NSL1: variants seen among roughly 807,000 people sequenced by gnomAD.
NSL1 encodes kinetochore-associated protein NSL1 homolog.
Under a neutral mutation model 25.4 loss-of-function variants are expected in NSL1, and 11 were observed. The ratio of observed to expected loss-of-function variants is 0.43; its 90% confidence interval spans 0.27 to 0.72. The LOEUF (loss-of-function observed/expected upper bound fraction) is 0.72, where lower values mean the gene tolerates loss of function less well. Ranked by LOEUF, NSL1 falls within the 30% of genes least tolerant of loss-of-function variation. NSL1 has a pLI of 0.19. For missense variants in NSL1, 330 were observed against 342.7 expected, an observed-to-expected ratio of 0.96 and a Z score of 0.29; for synonymous variants, 118 against 120.6, an observed-to-expected ratio of 0.98 and a Z score of 0.14.
chr1:212,726,889 G>C lies in NSL1; in HGVS notation c.*11519C>G, dbSNP rs1657811513. On this transcript the variant is annotated 3_prime_UTR_variant, in exon 6 of 6. Transcript: ENST00000366977. ...CGAGCCCGGTCCCAGGGGCTGGATGGTGTCCCTCCCTCTGATGGACACCAG... is the reference window on the plus strand; with the variant it reads ...CGAGCCCGGTCCCAGGGGCTGGATGCTGTCCCTCCCTCTGATGGACACCAG... 2.6e-6 allele frequency: 1 copy of C among 390,492 alleles called. No individual in the cohort carries two copies. Among genetic ancestry groups the C allele is most frequent in the Non-Finnish European group, 4.5e-6 (1 of 219,968 alleles). 24.2% of individuals were successfully genotyped at this position (390,492 alleles called of 1,614,324 possible). A position where few individuals can be genotyped will look rare whatever the true frequency, so the allele number is the denominator to read the frequency against.
In NSL1 at chr1:212,791,742, C is replaced by A; in HGVS notation, c.22G>T (p.Val8Leu). 1.2e-6 allele frequency: 2 copies of A among 1,610,474 alleles called. No homozygotes were observed. Among genetic ancestry groups the A allele is most frequent in the Non-Finnish European group, 1.7e-6 (2 of 1,178,008 alleles). ...TTGTCCCATGGAGGGTCAAGGACCA[C>A]CAACTCAGGAGACCCCGCCATTTTT... Reference protein sequence around the residue: MAGSPELVVLDPPWDKEL... With the variant: MAGSPELLVLDPPWDKEL... The change falls in exon 1 of 6, where the codon GTG (valine) becomes TTG (leucine). Residue 8 changes from valine to leucine, a missense_variant. Coordinates refer to ENST00000366977, the MANE Select transcript of NSL1 (RefSeq NM_015471.4).
Position 212,736,322 on chromosome 1 carries a change from G to A in NSL1, c.*2086C>T. The stretch of plus-strand genomic sequence containing the variant: ...TACAGGCATGAGCCCACCGCGCCTG[G>A]CTATTTCTTTTCTGAAAGATAATTT... On this transcript the variant is annotated 3_prime_UTR_variant, in exon 6 of 6. Coordinates refer to ENST00000366977, the MANE Select transcript of NSL1 (RefSeq NM_015471.4). 1.0e-6 allele frequency: 1 copy of A among 984,030 alleles called. No homozygotes were observed. The highest frequency in any genetic ancestry group is 1.2e-6 in the Non-Finnish European group (1 of 828,712). 61.0% of individuals were successfully genotyped at this position (984,030 alleles called of 1,614,324 possible).
chr1:212,731,032 C>A lies in NSL1; in HGVS notation c.*7376G>T, dbSNP rs936201376. On this transcript the variant is annotated 3_prime_UTR_variant, in exon 6 of 6. Transcript: ENST00000366977. The stretch of plus-strand genomic sequence containing the variant: ...GCAACGAATTACAAGGGATTCTTTA[C>A]CCCTGAAGCTTCAAATGAATATAAC... The A allele has an allele frequency of 7.1e-6, 7 of 985,370 alleles. No individual in the cohort carries two copies. The highest frequency in any genetic ancestry group is 8.4e-6 in the Non-Finnish European group (7 of 829,902). The allele number at this position is 985,370 out of a possible 1,614,324, so 61.0% of individuals were successfully genotyped here. A position where few individuals can be genotyped will look rare whatever the true frequency, so the allele number is the denominator to read the frequency against.
At chr1:212,750,897 C>T (rs1258071996) in intron 4 of NSL1, among the ~76,000 whole-genome samples, 1 of 151,928 alleles carries the variant, frequency 6.6e-6, no homozygotes, top group Non-Finnish European at 1.5e-5. Flanking sequence ...GCCGAGATAG[C>T]GCCACTGCAC....
rs557266882 is a variant in NSL1 at position 212,759,907 on chromosome 1, C to T, written c.500-20306G>A. Among the ~76,000 whole-genome samples, 5 of 152,332 alleles carry T rather than the reference C, an allele frequency of 3.3e-5. No individual in the cohort carries two copies. In the South Asian group the frequency reaches 1.0e-3, roughly 32 times the overall value. ...ACTCCTCAGAGCCTGAGAGCCATTT[C>T]CCTGGGGCCACCCAGCAGCAAGGCT... is the stretch of plus-strand genomic sequence containing the variant. On this transcript the variant is annotated intron_variant, in intron 4 of 5. Coordinates refer to ENST00000366977, the MANE Select transcript of NSL1 (RefSeq NM_015471.4).
Position 212,752,500 on chromosome 1 carries a change from T to G in NSL1, c.500-12899A>C, listed in dbSNP as rs558424514. The stretch of plus-strand genomic sequence containing the variant: ...AGAAACTTAAAATAGCTCCTTGCCA[T>G]CGCTACATGTTTAGCGAAGGACAGG... On this transcript the variant is annotated intron_variant, in intron 4 of 5. Coordinates refer to ENST00000366977, the MANE Select transcript of NSL1 (RefSeq NM_015471.4). Among the ~76,000 whole-genome samples, 13 of 152,236 alleles carry G rather than the reference T, an allele frequency of 8.5e-5. No homozygotes were observed. The South Asian group carries it at 2.7e-3, about 32-fold the overall frequency.
At chr1:212,780,914 A>G (rs1358256448) in intron 4 of NSL1, among the ~76,000 whole-genome samples, 1 of 152,152 alleles carries the variant, frequency 6.6e-6, no homozygotes, top group East Asian at 1.9e-4. Context: ...TATTTAGTGC[A>G]GAGCTGGAAT....
chr1:212,735,903 T>C lies in NSL1; in HGVS notation c.*2505A>G, dbSNP rs1328416988. ...CAGAACTGTGAGAAGTAAGTATCTG[T>C]TGTTTAAGCCACCCAGCCTGTGGTA... On this transcript the variant is annotated 3_prime_UTR_variant, in exon 6 of 6. Coordinates refer to ENST00000366977, the MANE Select transcript of NSL1 (RefSeq NM_015471.4). 6.2e-6 allele frequency: 6 copies of C among 967,224 alleles called. No individual in the cohort carries two copies. Among genetic ancestry groups the C allele is most frequent in the Non-Finnish European group, 7.4e-6 (6 of 813,474 alleles). 59.9% of individuals were successfully genotyped at this position (967,224 alleles called of 1,614,324 possible).
At chr1:212,764,630 G>A (rs1480226628) in intron 4 of NSL1, among the ~76,000 whole-genome samples, 1 of 152,136 alleles carries the variant, frequency 6.6e-6, no homozygotes, top group African/African-American at 2.4e-5. Context: ...CATATCACTT[G>A]AGGTCAGGAG....
chr1:212,762,264 C>T (rs1387682829), intron 4 of NSL1, among the ~76,000 whole-genome samples: 1 of 143,606 alleles, frequency 7.0e-6, no homozygotes, highest in Non-Finnish European at 1.5e-5. Flanking sequence ...CTCCACTGCA[C>T]TCCAGTCTGG....
Position 212,727,253 on chromosome 1 carries a change from T to C in NSL1, c.*11155A>G. The C allele has an allele frequency of 7.2e-7, 1 of 1,387,528 alleles. No individual in the cohort carries two copies. The highest frequency in any genetic ancestry group is 9.4e-7 in the Non-Finnish European group (1 of 1,061,396). 86.0% of individuals were successfully genotyped at this position (1,387,528 alleles called of 1,614,324 possible). A position where few individuals can be genotyped will look rare whatever the true frequency, so the allele number is the denominator to read the frequency against. On this transcript the variant is annotated 3_prime_UTR_variant, in exon 6 of 6. Transcript: ENST00000366977. ...GAAAACTATATATGGCTTTCAAGAC[T>C]TGCCTTGAGACTCAGAGCTGTTTCA... is the stretch of plus-strand genomic sequence containing the variant.
chr1:212,791,583 C>A lies in NSL1; in HGVS notation c.181G>T (p.Gly61Trp). 6.2e-7 allele frequency: 1 copy of A among 1,613,902 alleles called. No homozygotes were observed. The highest frequency in any genetic ancestry group is 8.5e-7 in the Non-Finnish European group (1 of 1,180,024). ...CGAATCTCCTCCGGCAGAGCGTCCC[C>A]GAGCTTTTGCACGAAGCGGCCGCAC... is the stretch of plus-strand genomic sequence containing the variant. ...QLCGRFVQKL[G>W]DALPEEIREP... is the part of the protein sequence containing the mutation. Residue 61 changes from glycine to tryptophan, a missense_variant, in exon 1 of 6, where the codon GGG (glycine) becomes TGG (tryptophan). Coordinates refer to ENST00000366977, the MANE Select transcript of NSL1 (RefSeq NM_015471.4).
intron 2 of NSL1, among the ~76,000 whole-genome samples, chr1:212,784,921 T>C (rs1307469751): frequency 2.0e-5 from 3 of 151,988 alleles, no homozygotes; most frequent in Non-Finnish European, 4.4e-5. Context: ...ATAAGTCCAA[T>C]GGATAAAAAG....
At position 212,731,046 on chromosome 1, in the gene NSL1, A is replaced by G. The variant is rs1571854239; in HGVS notation, c.*7362T>C. The G allele has an allele frequency of 1.0e-6, 1 of 985,378 alleles. No homozygotes were observed. The highest frequency in any genetic ancestry group is 1.2e-6 in the Non-Finnish European group (1 of 829,862). 61.0% of individuals were successfully genotyped at this position (985,378 alleles called of 1,614,324 possible). On this transcript the variant is annotated 3_prime_UTR_variant, in exon 6 of 6. Transcript: ENST00000366977. ...GGGATTCTTTACCCCTGAAGCTTCA[A>G]ATGAATATAACATTAATTTTCTCAA...
chr1:212,769,850 CAAT>C (rs1347070628), intron 4 of NSL1, among the ~76,000 whole-genome samples: 3 of 152,046 alleles, frequency 2.0e-5, no homozygotes, highest in Non-Finnish European at 2.9e-5. Context: ...CCTTACATAT[CAAT>C]AATAATAACC....
chr1:212,752,405 G>A (rs1263062546), intron 4 of NSL1, among the ~76,000 whole-genome samples: 3 of 152,138 alleles, frequency 2.0e-5, no homozygotes, highest in Non-Finnish European at 2.9e-5. Flanking sequence ...GGAAAGAAGC[G>A]GAACTGCCTC....
chr1:212,787,490 C>A, intron 2 of NSL1, 69 bp downstream of exon 2: 1 of 1,110,288 alleles, frequency 9.0e-7, no homozygotes, highest in South Asian at 1.4e-5. Flanking sequence ...GATTAAAAAA[C>A]AGCATTCAAA....
intron 4 of NSL1, among the ~76,000 whole-genome samples, chr1:212,778,799 G>T (rs1277901719): frequency 6.6e-6 from 1 of 152,148 alleles, no homozygotes; most frequent in Non-Finnish European, 1.5e-5. Flanking sequence ...TGCCGAGATT[G>T]CAGCCTCTGC....
At chr1:212,776,623 G>C (rs1660380709) in intron 4 of NSL1, among the ~76,000 whole-genome samples, 1 of 151,274 alleles carries the variant, frequency 6.6e-6, no homozygotes, top group South Asian at 2.1e-4. Context: ...ACAGTATACA[G>C]TTTCCAAACT....
Sources: gnomAD v4.1 joint callset for allele counts (sites outside exome capture counted in the v4.1 genomes callset) on GRCh38, gnomAD v4.1.1 for gene constraint, MANE v1.5 for transcripts, NCBI Gene and HGNC (gene_info 2026-07-23, HGNC 2026-07-21) for gene names.